Variants in PRKCZ observed in about 807,000 individuals in gnomAD.
PRKCZ encodes protein kinase C zeta type.
PRKCZ carries 33 observed loss-of-function variants against 79.5 expected under a neutral mutation model. That is an observed-to-expected ratio of 0.41 (90% CI 0.31 to 0.55). PRKCZ has a LOEUF of 0.55. Among genes scored for constraint, PRKCZ ranks in the 20% least tolerant of loss-of-function variants. PRKCZ has a pLI of 0.19. For synonymous variants in PRKCZ, 342 were observed against 320.9 expected (o/e 1.07, Z -0.70); for missense variants, 578 against 813.5 (o/e 0.71, Z 3.52).
intron 4 of PRKCZ, among the ~76,000 whole-genome samples, chr1:2,132,219 G>A (rs1041308693): frequency 4.6e-5 from 7 of 152,236 alleles, no homozygotes; most frequent in African/African-American, 1.7e-4. Context: ...ACACCTCTGG[G>A]CCACTGCACA....
rs1557680551 is a variant in PRKCZ, at chr1:2,148,775, G to GTCTGCT, written c.635-95_635-94insTGCTTC. On this transcript the variant is annotated intron_variant, in intron 7 of 17. Coordinates refer to ENST00000378567, the MANE Select transcript of PRKCZ (RefSeq NM_002744.6). ...CTGCTGTGTGGATTCACCCTTCACCGTCACCCTGCAGAGGAGCAAGGTCCA... is the reference window on the plus strand; with the variant it reads ...CTGCTGTGTGGATTCACCCTTCACCGTCTGCTTCACCCTGCAGAGGAGCAAGGTCCA... 6.5e-6 allele frequency: 8 copies of GTCTGCT among 1,233,454 alleles called. No homozygotes were observed. In the East Asian group the frequency reaches 1.9e-4, roughly 29 times the overall value. 76.4% of individuals were successfully genotyped at this position (1,233,454 alleles called of 1,614,324 possible).
intron 4 of PRKCZ, among the ~76,000 whole-genome samples, chr1:2,105,877 C>T (rs1436388443): frequency 5.3e-5 from 8 of 152,194 alleles, no homozygotes; most frequent in Non-Finnish European, 8.8e-5. Flanking sequence ...GAATTATTCT[C>T]AGGTCTCAGG....
At chr1:2,120,747 T>C (rs959856628) in intron 4 of PRKCZ, among the ~76,000 whole-genome samples, 3 of 152,170 alleles carry the variant, frequency 2.0e-5, no homozygotes, top group African/African-American at 7.2e-5. Flanking sequence ...TCTACTGTTA[T>C]CTCTTATTTC....
chr1:2,171,627 C>T (rs1378413183), intron 11 of PRKCZ: 1 of 159,848 alleles, frequency 6.3e-6, no homozygotes, highest in Non-Finnish European at 1.4e-5. Flanking sequence ...CTCGACCTCC[C>T]GAAGTGCTGG....
Position 2,185,169 on chromosome 1 carries a change from G to A in PRKCZ, c.*160G>A. 5 of 749,390 alleles carry A rather than the reference G, an allele frequency of 6.7e-6. 1 individual carries two copies. The South Asian group carries it at 7.9e-5, about 12-fold the overall frequency. 46.4% of individuals were successfully genotyped at this position (749,390 alleles called of 1,614,324 possible). On this transcript the variant is annotated 3_prime_UTR_variant, in exon 18 of 18. Coordinates refer to ENST00000378567, the MANE Select transcript of PRKCZ (RefSeq NM_002744.6). ...GAAGCGTCAGCGGGCGCTGCTGGGA[G>A]CAGAACAGTCCCTCACACCTGGGCC...
chr1:2,068,501 G>A (rs963833242), intron 4 of PRKCZ, among the ~76,000 whole-genome samples: 7 of 152,242 alleles, frequency 4.6e-5, no homozygotes, highest in South Asian at 2.1e-4. Context: ...CTGGAACACC[G>A]GTGGTCGGCT....
chr1:2,067,368 T>C (rs1661208592), intron 4 of PRKCZ, among the ~76,000 whole-genome samples: 1 of 152,234 alleles, frequency 6.6e-6, no homozygotes, highest in South Asian at 2.1e-4. Context: ...AATTCTGTGA[T>C]GCGATTCACC....
intron 4 of PRKCZ, among the ~76,000 whole-genome samples, chr1:2,130,198 G>A (rs544362551): frequency 3.3e-5 from 5 of 152,198 alleles, no homozygotes; most frequent in East Asian, 1.9e-4. Flanking sequence ...GAGCCGCCAC[G>A]CCTGGCCAAA....
In PRKCZ at chr1:2,080,494, T is replaced by C. The variant is rs1326934736; in HGVS notation, c.334+20903T>C. Among the ~76,000 whole-genome samples, 3 of 152,128 alleles carry C rather than the reference T, an allele frequency of 2.0e-5. No homozygotes were observed. In the East Asian group the frequency reaches 5.8e-4, roughly 29 times the overall value. ...CCCCCCGTGCGACCTGGGGGCAGTT[T>C]TCAAATGCTTGACCCAGGTAGTTTA... On this transcript the variant is annotated intron_variant, in intron 4 of 17. Coordinates refer to ENST00000378567, the MANE Select transcript of PRKCZ (RefSeq NM_002744.6).
chr1:2,135,128 C>T (rs1443843269), intron 4 of PRKCZ, 134 bp from the exon 5 acceptor site: 1 of 693,124 alleles, frequency 1.4e-6, no homozygotes, highest in Non-Finnish European at 2.4e-6. Flanking sequence ...GCCGTCATTC[C>T]AGCCCTGCCT....
chr1:2,106,766 G>A (rs1481387712), intron 4 of PRKCZ, among the ~76,000 whole-genome samples: 3 of 119,548 alleles, frequency 2.5e-5, no homozygotes, highest in South Asian at 4.7e-4. Context: ...TCTGGTGGGC[G>A]AGGACCTCCA....
At chr1:2,144,587 A>G (rs1678103058) in intron 6 of PRKCZ, 4 of 1,364,878 alleles carry the variant, frequency 2.9e-6, no homozygotes, top group Non-Finnish European at 3.8e-6. Context: ...AGGCTCAGGT[A>G]GGACGTGGTA....
At position 2,055,505 on chromosome 1, in the gene PRKCZ, GAC is replaced by G. The variant is rs1660082145; in HGVS notation, c.138_139del (p.Met47ValfsTer19). 1.2e-6 allele frequency: 2 copies of G among 1,614,092 alleles called. No homozygotes were observed. The highest frequency in any genetic ancestry group is 2.7e-5 in the African/African-American group (2 of 75,036). ...TFEELCEEVR[D>X]MCRLHQQHPL... ...CGAGGAGCTCTGTGAGGAAGTGAGA[GAC>G]ATGTGTCGTCTGCACCAGCAGCACC... On this transcript the variant is annotated frameshift_variant, in exon 2 of 18. Transcript: ENST00000378567. LOFTEE classifies it high-confidence loss of function.
Position 2,172,027 on chromosome 1 carries a change from GC to G in PRKCZ, c.1062-23del. ...TGGCGCAGCCTCTGGCACAGGCACT[GC>G]CCCCATGACGGCATCCCCACCCCCA... On this transcript the variant is annotated intron_variant, in intron 11 of 17. Transcript: ENST00000378567. The surrounding 1 kb of genome is among the most constrained non-coding windows in gnomAD (Gnocchi z 7.8). 6.3e-7 allele frequency: 1 copy of G among 1,574,962 alleles called. No individual in the cohort carries two copies.
At chr1:2,139,337 T>C (rs1676852688) in intron 5 of PRKCZ, among the ~76,000 whole-genome samples, 3 of 151,782 alleles carry the variant, frequency 2.0e-5, no homozygotes, top group Admixed American at 1.3e-4. Context: ...CGCCTGTAAT[T>C]CCAGCACTTT....
chr1:2,071,391 C>T (rs370395684), intron 4 of PRKCZ: 3 of 432,728 alleles, frequency 6.9e-6, no homozygotes, highest in Admixed American at 2.6e-5. Context: ...TGGGGCTGCG[C>T]GACCGCCTGT....
intron 1 of PRKCZ, among the ~76,000 whole-genome samples, chr1:2,053,098 C>G (rs989272385): frequency 4.8e-4 from 72 of 151,266 alleles, no homozygotes; most frequent in South Asian, 4.2e-4. Flanking sequence ...GCTGGCTCTT[C>G]CCTCTTTCAG....
rs764800242 is a variant in PRKCZ at position 2,150,995 on chromosome 1, A to G, written c.876+17A>G. On this transcript the variant is annotated intron_variant, in intron 9 of 17. Coordinates refer to ENST00000378567, the MANE Select transcript of PRKCZ (RefSeq NM_002744.6). ...GATGACGAGGTAGGTGCCGCTTCTC[A>G]TGGGGCCCGGGGGCCCGGGAACGCG... 7 of 1,611,838 alleles carry G rather than the reference A, an allele frequency of 4.3e-6. No homozygotes were observed. In the South Asian group the frequency reaches 4.4e-5, roughly 10 times the overall value.
intron 4 of PRKCZ, among the ~76,000 whole-genome samples, chr1:2,090,480 G>A (rs1044817523): frequency 3.4e-5 from 5 of 148,646 alleles, no homozygotes; most frequent in Non-Finnish European, 6.0e-5. Flanking sequence ...CACCACTGAG[G>A]GGATGCCCCC....
Sources: gnomAD v4.1 joint callset for allele counts (sites outside exome capture counted in the v4.1 genomes callset) on GRCh38, gnomAD v4.1.1 for gene constraint, Gnocchi (gnomAD v3.1) non-coding constraint, MANE v1.5 for transcripts, NCBI Gene and HGNC (gene_info 2026-07-23, HGNC 2026-07-21) for gene names.